The following GON4L variants were observed in gnomAD, a reference collection of about 807,000 sequenced individuals.
The protein encoded by GON4L is gon-4 like.
Under a neutral mutation model 211.8 loss-of-function variants are expected in GON4L, and 87 were observed. That is an observed-to-expected ratio of 0.41 (90% CI 0.35 to 0.49). The LOEUF (loss-of-function observed/expected upper bound fraction) is 0.49. GON4L is among the 20% of genes least tolerant of loss of function. GON4L has a pLI of 0.15. For synonymous variants in GON4L, 875 were observed against 962.6 expected, an observed-to-expected ratio of 0.91 and a Z score of 1.68; for missense variants, 2,155 against 2,659.5, an observed-to-expected ratio of 0.81 and a Z score of 4.17.
At chr1:155,845,495 C>T (rs1231436321) in intron 2 of GON4L, 7 of 339,562 alleles carry the variant, frequency 2.1e-5, no homozygotes, top group Admixed American at 3.4e-5. Context: ...TGTGCTTTTG[C>T]GGTCATGGCA....
intron 13 of GON4L, chr1:155,784,419 T>C (rs1308967072): frequency 3.5e-6 from 1 of 285,902 alleles, no homozygotes. Flanking sequence ...GCAGTCTTGC[T>C]CTATTGCCCA....
At chr1:155,746,844 T>G (rs1660262193), downstream of GON4L, 2 of 1,590,226 alleles carry the variant, frequency 1.3e-6, no homozygotes, top group Non-Finnish European at 8.5e-7. Flanking sequence ...CCAAGAACCC[T>G]TATCTCCAAG....
chr1:155,853,128 C>A, intron 2 of GON4L, 148 bp downstream of exon 2: 1 of 773,548 alleles, frequency 1.3e-6, no homozygotes. Context: ...AAAAAAAGTT[C>A]ACTGTTGACC....
At chr1:155,769,261 C>A (rs907787310) in intron 19 of GON4L, among the ~76,000 whole-genome samples, 1 of 151,976 alleles carries the variant, frequency 6.6e-6, no homozygotes, top group Non-Finnish European at 1.5e-5. Flanking sequence ...CAGGCCTGAG[C>A]CACCGTGTAC....
rs1666832707 is a variant in GON4L, at chr1:155,803,178, T to C, written c.1645+1771A>G. Among the ~76,000 whole-genome samples, 4 of 152,294 alleles carry C rather than the reference T, an allele frequency of 2.6e-5. No individual in the cohort carries two copies. In the South Asian group the frequency reaches 8.3e-4, roughly 32 times the overall value. ...GTACATTCAAGGACCTGTTATTTTC[T>C]TTCATTCACTTATCCTGACTTACTC... On this transcript the variant is annotated intron_variant, in intron 11 of 31. Transcript: ENST00000368331.
At chr1:155,837,480 T>C (rs1195423270) in intron 2 of GON4L, among the ~76,000 whole-genome samples, 1 of 152,140 alleles carries the variant, frequency 6.6e-6, no homozygotes, top group African/African-American at 2.4e-5. Context: ...TTTATTATAC[T>C]TCTACTGGTT....
chr1:155,858,534 T>G (rs1318316561), upstream of GON4L, among the ~76,000 whole-genome samples: 1 of 152,044 alleles, frequency 6.6e-6, no homozygotes, highest in Non-Finnish European at 1.5e-5. Context: ...ACCTACAGAA[T>G]ACACAGATCT....
Position 155,752,093 on chromosome 1 carries a change from C to A in GON4L, c.6340G>T (p.Gly2114Cys), listed in dbSNP as rs770617054. Residue 2114 changes from glycine (G) to cysteine (C), a missense_variant, in exon 30 of 32, where the codon GGT becomes TGT. Transcript: ENST00000368331. ...SETSPKAPRG[G>C]LAKDSGTQAK... ...TGTGTTCCACTGTCTTTAGCCAAAC[C>A]CCCTCTAGGGGCTTTGGGAGAAGTC... The A allele has an allele frequency of 5.0e-6, 8 of 1,613,770 alleles. No individual in the cohort carries two copies. Among genetic ancestry groups the A allele is most frequent in the Middle Eastern group, 1.7e-4 (1 of 6,056 alleles).
At chr1:155,811,250 G>A (rs779238135) in intron 10 of GON4L, among the ~76,000 whole-genome samples, 3 of 151,482 alleles carry the variant, frequency 2.0e-5, no homozygotes, top group South Asian at 2.1e-4. Context: ...AAAATTAGCC[G>A]CGCATGGTGC....
chr1:155,764,026 A>C lies in GON4L; in HGVS notation c.4474-462T>G, dbSNP rs544196261. ...TCAAAACAAAAACAAAAACAAACAA[A>C]AAAAAAACACAGAAAAAACCACACA... On this transcript the variant is annotated intron_variant, in intron 21 of 31. Transcript: ENST00000368331. 9.8e-3 allele frequency among the ~76,000 whole-genome samples: 1,483 copies of C among 151,886 alleles called. 26 individuals are homozygous for C. The highest frequency in any genetic ancestry group is 0.022 in the African/African-American group (923 of 41,482).
chr1:155,755,580 C>T (rs1661093407), intron 27 of GON4L, among the ~76,000 whole-genome samples: 1 of 152,108 alleles, frequency 6.6e-6, no homozygotes, highest in African/African-American at 2.4e-5. Flanking sequence ...AGATTAAGGC[C>T]TATTATGAAT....
intron 10 of GON4L, among the ~76,000 whole-genome samples, chr1:155,812,858 G>T (rs534565251): frequency 6.6e-6 from 1 of 152,068 alleles, no homozygotes; most frequent in Non-Finnish European, 1.5e-5. Context: ...CGCACAGCCT[G>T]TATCCTGATT....
intron 2 of GON4L, among the ~76,000 whole-genome samples, chr1:155,829,380 C>T (rs144880053): frequency 2.0e-5 from 3 of 152,168 alleles, no homozygotes; most frequent in East Asian, 1.9e-4. Context: ...CCAAGGTGGG[C>T]GGACTGCCTG....
chr1:155,782,912 G>C (rs1434176079), intron 14 of GON4L, among the ~76,000 whole-genome samples: 1 of 152,024 alleles, frequency 6.6e-6, no homozygotes, highest in East Asian at 1.9e-4. Flanking sequence ...CCCTGCCTCC[G>C]CCTCCCAAAG....
Position 155,804,892 on chromosome 1 carries a change from A to C in GON4L, c.1645+57T>G, listed in dbSNP as rs1055744855. ...CCATTCTATACCCTTCCAAATACTA[A>C]AAATTTTACAACAGATAATGGACAG... On this transcript the variant is annotated intron_variant, in intron 11 of 31. Transcript: ENST00000368331. The C allele has an allele frequency of 3.1e-6, 4 of 1,308,750 alleles. No individual in the cohort carries two copies. The African/African-American group carries it at 5.8e-5, about 19-fold the overall frequency. The allele number at this position is 1,308,750 out of a possible 1,614,324, so 81.1% of individuals were successfully genotyped here.
At chr1:155,785,234 G>C in intron 13 of GON4L, 100 bp downstream of exon 13, 1 of 825,570 alleles carries the variant, frequency 1.2e-6, no homozygotes, top group Non-Finnish European at 2.2e-6. Flanking sequence ...GGTTCAGTCA[G>C]ACCCCCTCTC....
At chr1:155,767,763 C>A (rs1471618041) in intron 19 of GON4L, among the ~76,000 whole-genome samples, 2 of 152,110 alleles carry the variant, frequency 1.3e-5, no homozygotes, top group Non-Finnish European at 2.9e-5. Flanking sequence ...AAATATTTCA[C>A]AATTATTCAA....
chr1:155,805,378 T>C (rs1444652367), intron 10 of GON4L, among the ~76,000 whole-genome samples: 4 of 152,200 alleles, frequency 2.6e-5, no homozygotes, highest in Admixed American at 1.3e-4. Flanking sequence ...ACAATTCACA[T>C]ACCATAAAAT....
Position 155,853,313 on chromosome 1 carries a change from A to G in GON4L, c.468T>C (p.Phe156=). The change falls in exon 2 of 32, where the codon TTT becomes TTC. Residue 156 remains phenylalanine (F), a synonymous_variant. Transcript: ENST00000368331. ...RCDHLTLKEP[F]SGEPSEEVKE... The stretch of plus-strand genomic sequence containing the variant: ...TGACTTCTTCACTAGGCTCTCCTGA[A>G]AAAGGCTCCTTTAGGGTAAGATGAT... 2 of 1,614,124 alleles carry G rather than the reference A, an allele frequency of 1.2e-6. No homozygotes were observed. The highest frequency in any genetic ancestry group is 1.1e-5 in the South Asian group (1 of 91,088).
Sources: allele counts gnomAD v4.1 joint callset (sites outside exome capture counted in the v4.1 genomes callset), GRCh38; gene constraint gnomAD v4.1.1; transcripts MANE v1.5; gene names NCBI Gene and HGNC (gene_info 2026-07-23, HGNC 2026-07-21).